Variants in SRP72 observed in about 807,000 individuals in gnomAD.
The protein encoded by SRP72 is signal recognition particle subunit SRP72.
A neutral mutation model predicts 96.3 loss-of-function variants in SRP72; 49 were observed. That is an observed-to-expected ratio of 0.51 (90% CI 0.40 to 0.65). SRP72 has a LOEUF of 0.65. Among genes scored for constraint, SRP72 ranks in the 30% least tolerant of loss-of-function variants. The pLI is 0.00. For synonymous variants in SRP72, 267 were observed against 275.2 expected, an observed-to-expected ratio of 0.97 and a Z score of 0.30; for missense variants, 736 against 793.3, an observed-to-expected ratio of 0.93 and a Z score of 0.87.
At position 56,486,542 on chromosome 4, in the gene SRP72, T is replaced by C. The variant is rs1187817283; in HGVS notation, c.1159+145T>C. The C allele has an allele frequency of 6.6e-6, 4 of 605,052 alleles. No homozygotes were observed. In the African/African-American group the frequency reaches 7.5e-5, roughly 11 times the overall value. The allele number at this position is 605,052 out of a possible 1,614,324, so 37.5% of individuals were successfully genotyped here. A position where few individuals can be genotyped will look rare whatever the true frequency, so the allele number is the denominator to read the frequency against. On this transcript the variant is annotated intron_variant, in intron 11 of 18. Coordinates refer to ENST00000642900, the MANE Select transcript of SRP72 (RefSeq NM_006947.4). ...GTTTCAAACATGCAGCTAGATTGTATGATCTCCAACAGATTTAGTAGTGAG... is the reference window on the plus strand; with the variant it reads ...GTTTCAAACATGCAGCTAGATTGTACGATCTCCAACAGATTTAGTAGTGAG...
At chr4:56,473,021 CAT>C (rs1394570106) in intron 3 of SRP72, among the ~76,000 whole-genome samples, 7 of 152,112 alleles carry the variant, frequency 4.6e-5, no homozygotes, top group Non-Finnish European at 1.0e-4. Context: ...TCCTAGGAAA[CAT>C]TAAGTCTTTT....
intron 2 of SRP72, 74 bp from the exon 3 acceptor site, chr4:56,471,646 G>GA: frequency 6.5e-7 from 1 of 1,536,252 alleles, no homozygotes; most frequent in Admixed American, 1.9e-5. Context: ...CCAGTGTTTA[G>GA]AGTGGTGTTG....
In SRP72 at chr4:56,487,910, GTTC is replaced by G. The variant is rs756818548; in HGVS notation, c.1160-34_1160-32del. The stretch of plus-strand genomic sequence containing the variant: ...CTTGTATTTTTTTTTCATAATATGT[GTTC>G]TTCTATGTAATGCTGATTTTGTTTA... On this transcript the variant is annotated intron_variant, in intron 11 of 18. Transcript: ENST00000642900. 4.1e-6 allele frequency: 6 copies of G among 1,469,916 alleles called. No homozygotes were observed. In the South Asian group the frequency reaches 6.2e-5, roughly 15 times the overall value. 91.1% of individuals were successfully genotyped at this position (1,469,916 alleles called of 1,614,324 possible). A position where few individuals can be genotyped will look rare whatever the true frequency, so the allele number is the denominator to read the frequency against.
intron 16 of SRP72, among the ~76,000 whole-genome samples, chr4:56,492,269 C>T (rs1015548006): frequency 2.6e-5 from 4 of 152,156 alleles, no homozygotes; most frequent in African/African-American, 9.7e-5. Context: ...GATGTGCCTT[C>T]CTTTACCTTT....
In SRP72 at chr4:56,486,339, G is replaced by T; in HGVS notation, c.1101G>T (p.Gln367His). 9 of 1,604,634 alleles carry T rather than the reference G, an allele frequency of 5.6e-6. No homozygotes were observed. Among genetic ancestry groups the T allele is most frequent in the Non-Finnish European group, 7.7e-6 (9 of 1,174,198 alleles). Residue 367 changes from glutamine (Q) to histidine (H), a missense_variant, in exon 11 of 19, where the codon CAG becomes CAT. By Grantham distance (24) the Gln-to-His change is conservative (BLOSUM62 0). Around this residue, in one of 3 missense-constraint regions of SRP72, gnomAD observed 388 missense variants for 431.8 expected, o/e 0.90. Coordinates refer to ENST00000642900, the MANE Select transcript of SRP72 (RefSeq NM_006947.4). ...AAAAAATTTAGGAATTTTCAGATCAGCATCCAGAAAATGCAGCTGAAATTA... is the reference window on the plus strand; with the variant it reads ...AAAAAATTTAGGAATTTTCAGATCATCATCCAGAAAATGCAGCTGAAATTA... ...AIELLQEFSDQHPENAAEIKL... is the reference protein window; with the variant it reads ...AIELLQEFSDHHPENAAEIKL...
At chr4:56,480,222 T>C (rs559653329) in intron 8 of SRP72, among the ~76,000 whole-genome samples, 1 of 152,290 alleles carries the variant, frequency 6.6e-6, no homozygotes, top group South Asian at 2.1e-4. Flanking sequence ...GGCAAAAATA[T>C]ATACCTGCCT....
At chr4:56,471,936 C>T in intron 3 of SRP72, 93 bp downstream of exon 3, 1 of 1,485,860 alleles carries the variant, frequency 6.7e-7, no homozygotes, top group Non-Finnish European at 9.1e-7. Context: ...CCAGCCCATC[C>T]TGATGCTCCA....
chr4:56,475,312 T>G (rs1487649710), intron 5 of SRP72, among the ~76,000 whole-genome samples: 1 of 152,042 alleles, frequency 6.6e-6, no homozygotes, highest in Non-Finnish European at 1.5e-5. Context: ...ATCCCAGCAC[T>G]TTTGGGAGGC....
At chr4:56,481,942 T>C (rs917299502) in intron 8 of SRP72, among the ~76,000 whole-genome samples, 1 of 151,254 alleles carries the variant, frequency 6.6e-6, no homozygotes, top group Non-Finnish European at 1.5e-5. Flanking sequence ...TTTGTATTTT[T>C]AGTAGAGATG....
At position 56,467,864 on chromosome 4, in the gene SRP72, C is replaced by G. The variant is rs561139735; in HGVS notation, c.109+120C>G. On this transcript the variant is annotated intron_variant, in intron 1 of 18. Transcript: ENST00000642900. ...GAAGGGGAGACCCCCGAAACCCCCCCGTCTATTGTCCGCCCGGCTCGGGCC... is the reference window on the plus strand; with the variant it reads ...GAAGGGGAGACCCCCGAAACCCCCCGGTCTATTGTCCGCCCGGCTCGGGCC... The G allele has an allele frequency of 3.4e-4, 338 of 993,434 alleles. No individual in the cohort carries two copies. The African/African-American group carries it at 4.6e-3, about 13-fold the overall frequency. The allele number at this position is 993,434 out of a possible 1,614,324, so 61.5% of individuals were successfully genotyped here. A position where few individuals can be genotyped will look rare whatever the true frequency, so the allele number is the denominator to read the frequency against.
rs538570164 is a variant in SRP72 at position 56,474,400 on chromosome 4, T to A, written c.610+9T>A. ...CCTACAAAAAGCTGAAGGTTGGAAG[T>A]TTGTTAAACTTATCTGTAAATATAA... On this transcript the variant is annotated intron_variant, in intron 5 of 18. Transcript: ENST00000642900. 4.4e-6 allele frequency: 7 copies of A among 1,607,604 alleles called. No homozygotes were observed. In the African/African-American group the frequency reaches 9.4e-5, roughly 22 times the overall value.
rs1241573633 is a variant in SRP72, at chr4:56,500,632, G to A, written c.1775G>A (p.Gly592Asp). 6.2e-7 allele frequency: 1 copy of A among 1,614,058 alleles called. No individual in the cohort carries two copies. Among genetic ancestry groups the A allele is most frequent in the Non-Finnish European group, 8.5e-7 (1 of 1,179,978 alleles). ...TCTTACTACCGGGGAAGAAAGAAGG[G>A]TAAAAAGAAGGATCAGATTGGAAAA... ...ERSYYRGRKKGKKKDQIGKGT... is the reference protein window; with the variant it reads ...ERSYYRGRKKDKKKDQIGKGT... Residue 592 changes from glycine to aspartate, a missense_variant, in exon 18 of 19, where the codon GGT becomes GAT. Gly to Asp is a moderately conservative substitution (Grantham distance 94). Transcript: ENST00000642900.
Position 56,467,624 on chromosome 4 carries a change from G to A in SRP72, c.-12G>A. 1 of 1,537,680 alleles carries A rather than the reference G, an allele frequency of 6.5e-7. No individual in the cohort carries two copies. Among genetic ancestry groups the A allele is most frequent in the Non-Finnish European group, 8.7e-7 (1 of 1,144,438 alleles). On this transcript the variant is annotated 5_prime_UTR_variant, in exon 1 of 19. Coordinates refer to ENST00000642900, the MANE Select transcript of SRP72 (RefSeq NM_006947.4). Reference sequence around the variant, plus strand: ...CAGAGGTCTCCCCGCCCCGCCCCTCGTCTCCTCCAAGATGGCGAGCGGCGG... The same window carrying A: ...CAGAGGTCTCCCCGCCCCGCCCCTCATCTCCTCCAAGATGGCGAGCGGCGG...
At chr4:56,475,323 C>T (rs561170087) in intron 5 of SRP72, among the ~76,000 whole-genome samples, 1 of 151,992 alleles carries the variant, frequency 6.6e-6, no homozygotes, top group African/African-American at 2.4e-5. Flanking sequence ...TTTGGGAGGC[C>T]AAGGCAGGAG....
At chr4:56,487,841 A>G (rs1429121883) in intron 11 of SRP72, 108 bp from the exon 12 acceptor site, 3 of 765,912 alleles carry the variant, frequency 3.9e-6, no homozygotes, top group Non-Finnish European at 6.4e-6. Context: ...AACATGAGTT[A>G]TGGTTGCTTT....
chr4:56,469,819 C>T (rs756372445), intron 2 of SRP72, 46 bp downstream of exon 2: 14 of 1,519,912 alleles, frequency 9.2e-6, no homozygotes, highest in Non-Finnish European at 1.1e-5. Flanking sequence ...GAAACACTTA[C>T]TATAGCTATA....
chr4:56,477,241 A>T (rs1468728113), intron 6 of SRP72: 2 of 150,650 alleles, frequency 1.3e-5, no homozygotes, highest in South Asian at 4.2e-4. Context: ...CTGAGTATTC[A>T]ACATGATTTA....
intron 3 of SRP72, among the ~76,000 whole-genome samples, chr4:56,472,639 G>A (rs1720023625): frequency 6.6e-6 from 1 of 152,016 alleles, no homozygotes; most frequent in East Asian, 1.9e-4. Context: ...AAGCCACCAT[G>A]CCTGGCCTCC....
intron 2 of SRP72, among the ~76,000 whole-genome samples, chr4:56,470,397 G>A (rs1234662442): frequency 1.3e-5 from 2 of 152,116 alleles, no homozygotes; most frequent in Admixed American, 1.3e-4. Context: ...AAAATTAGCT[G>A]GGTATGGTGG....
Sources: gnomAD v4.1 joint callset for allele counts (sites outside exome capture counted in the v4.1 genomes callset) on GRCh38, gnomAD v4.1.1 for gene constraint, gnomAD v4.1.1 regional missense constraint, MANE v1.5 for transcripts, NCBI Gene and HGNC (gene_info 2026-07-23, HGNC 2026-07-21) for gene names.